Variants in ZNF532 observed in about 807,000 individuals in gnomAD.
ZNF532 encodes zinc finger protein 532.
Under a neutral mutation model 89.3 loss-of-function variants are expected in ZNF532, and 22 were observed. The observed-to-expected ratio is 0.25, with a 90% CI of 0.18 to 0.35. ZNF532 has a LOEUF of 0.35. Ranked by LOEUF, ZNF532 falls within the 10% of genes least tolerant of loss-of-function variation. ZNF532 has a pLI of 1.00. For missense variants in ZNF532, 1,132 were observed against 1,643.4 expected (o/e 0.69, Z 5.38); for synonymous variants, 606 against 649.6 (o/e 0.93, Z 1.02).
intron 5 of ZNF532, among the ~76,000 whole-genome samples, chr18:58,946,570 C>T (rs1051826088): frequency 2.0e-5 from 3 of 152,038 alleles, no homozygotes; most frequent in Non-Finnish European, 4.4e-5. Flanking sequence ...ACCATGCTGG[C>T]CTAGTTTTCT....
chr18:58,964,078 C>G (rs1354500913), intron 7 of ZNF532: 4 of 152,134 alleles, frequency 2.6e-5, no homozygotes, highest in African/African-American at 9.7e-5. Flanking sequence ...CAGATGGTTT[C>G]ATTTTCATTC....
intron 2 of ZNF532, among the ~76,000 whole-genome samples, chr18:58,876,485 G>T (rs1453244251): frequency 6.6e-6 from 1 of 152,170 alleles, no homozygotes; most frequent in African/African-American, 2.4e-5. Flanking sequence ...TGTGATGCTA[G>T]CAGGGAGCAG....
rs1568248058 is a variant in ZNF532, at chr18:58,888,851, ATAATTTATATATATATAATATATATTAT to A, written c.-18+23273_-18+23300del. On this transcript the variant is annotated intron_variant, in intron 2 of 9. Coordinates refer to ENST00000591808, the MANE Select transcript of ZNF532 (RefSeq NM_001375912.1). ...AATTATATATATAATTTATATATAT[ATAATTTATATATATATAATATATATTAT>A]ATATATATATTTTATATATATATAT... 2.5e-4 allele frequency among the ~76,000 whole-genome samples: 12 copies of A among 47,080 alleles called. 1 individual carries two copies. Among genetic ancestry groups the A allele is most frequent in the Admixed American group, 6.8e-4 (2 of 2,920 alleles). The allele number at this position is 47,080 out of a possible 152,430, so 30.9% of individuals were successfully genotyped here.
chr18:58,870,706 C>T (rs1459598604), intron 2 of ZNF532, among the ~76,000 whole-genome samples: 1 of 152,050 alleles, frequency 6.6e-6, no homozygotes, highest in Non-Finnish European at 1.5e-5. Flanking sequence ...GGTCTTTCAT[C>T]CCAGGTGTTG....
intron 7 of ZNF532, among the ~76,000 whole-genome samples, chr18:58,972,053 A>G (rs937929707): frequency 1.3e-5 from 2 of 152,114 alleles, no homozygotes; most frequent in African/African-American, 4.8e-5. Context: ...AAAACACACA[A>G]ATTATCCAGG....
intron 5 of ZNF532, 53 bp from the exon 6 acceptor site, chr18:58,948,014 C>A (rs1036429417): frequency 1.9e-6 from 3 of 1,540,230 alleles, no homozygotes; most frequent in Non-Finnish European, 2.6e-6. Flanking sequence ...GTAGCAGATC[C>A]TTTGACTTAA....
At chr18:58,936,210 A>T (rs141664343) in intron 4 of ZNF532, among the ~76,000 whole-genome samples, 1 of 152,324 alleles carries the variant, frequency 6.6e-6, no homozygotes, top group East Asian at 1.9e-4. Flanking sequence ...CTCCAGCTCC[A>T]CTGGGATGTT....
At chr18:58,888,441 C>T (rs552564090) in intron 2 of ZNF532, among the ~76,000 whole-genome samples, 25 of 151,358 alleles carry the variant, frequency 1.7e-4, no homozygotes, top group Non-Finnish European at 2.9e-4. Flanking sequence ...TTTGGGAGGC[C>T]AAGGTGGGTG....
chr18:58,939,895 ATTTT>A, intron 5 of ZNF532: 1 of 189,696 alleles, frequency 5.3e-6, no homozygotes, highest in Non-Finnish European at 1.1e-5. Context: ...CTTAAGATGA[ATTTT>A]TTTTTTTTTT....
At chr18:58,891,696 T>C (rs954071156) in intron 2 of ZNF532, among the ~76,000 whole-genome samples, 3 of 152,252 alleles carry the variant, frequency 2.0e-5, no homozygotes, top group African/African-American at 7.2e-5. Context: ...AATTTATTTA[T>C]AATGAGTTTG....
At chr18:58,897,419 G>A (rs903668446) in intron 2 of ZNF532, among the ~76,000 whole-genome samples, 2 of 152,248 alleles carry the variant, frequency 1.3e-5, no homozygotes, top group East Asian at 3.9e-4. Flanking sequence ...ACCTGATTTT[G>A]CAATCTAAAA....
At chr18:58,885,029 C>T (rs2058196417) in intron 2 of ZNF532, among the ~76,000 whole-genome samples, 1 of 145,014 alleles carries the variant, frequency 6.9e-6, no homozygotes, top group South Asian at 2.3e-4. Flanking sequence ...ACTCTTGTTA[C>T]CTAGGTTAGA....
In ZNF532 at chr18:58,934,663, C is replaced by A. The variant is rs367613308; in HGVS notation, c.2528+49C>A. 708 of 1,557,792 alleles carry A rather than the reference C, an allele frequency of 4.5e-4. 4 individuals are homozygous for A. Among genetic ancestry groups the A allele is most frequent in the South Asian group, 2.0e-3 (171 of 84,434 alleles). On this transcript the variant is annotated intron_variant, in intron 4 of 9. Coordinates refer to ENST00000591808, the MANE Select transcript of ZNF532 (RefSeq NM_001375912.1). ...GCAAGTAAAACTCGTTCACTTACAA[C>A]CGCACAGCATTTTGAGTGGTTTGCA...
intron 2 of ZNF532, among the ~76,000 whole-genome samples, chr18:58,907,600 C>A (rs1365202129): frequency 6.6e-6 from 1 of 151,840 alleles, no homozygotes. Context: ...AGTGTTGTGT[C>A]TGTGTATATT....
chr18:58,976,677 C>T (rs1056911282), intron 7 of ZNF532, among the ~76,000 whole-genome samples: 2 of 152,086 alleles, frequency 1.3e-5, no homozygotes, highest in Non-Finnish European at 2.9e-5. Context: ...GGATTATAGG[C>T]ACCTGCCATC....
Position 58,983,989 on chromosome 18 carries a change from G to C in ZNF532, c.3429G>C (p.Arg1143=), listed in dbSNP as rs369794876. The C allele has an allele frequency of 1.4e-5, 22 of 1,609,300 alleles. No individual in the cohort carries two copies. The highest frequency in any genetic ancestry group is 1.8e-5 in the Non-Finnish European group (21 of 1,178,276). Residue 1143 remains arginine, a synonymous_variant, in exon 10 of 10, where the codon CGG becomes CGC. Coordinates refer to ENST00000591808, the MANE Select transcript of ZNF532 (RefSeq NM_001375912.1). ...KEDTKVPSPK[R]KLEEPVLEFR... ...CCTGAAAGGTCCCCAGTCCCAAGCG[G>C]AAGTTGGAAGAACCAGTTCTGGAGT...
intron 5 of ZNF532, chr18:58,940,294 T>C (rs536513703): frequency 5.9e-5 from 9 of 152,346 alleles, no homozygotes; most frequent in African/African-American, 2.2e-4. Context: ...ACACTTTTGC[T>C]TAAAAAGTAA....
intron 2 of ZNF532, among the ~76,000 whole-genome samples, chr18:58,879,606 G>A (rs935222172): frequency 2.6e-5 from 4 of 152,070 alleles, no homozygotes; most frequent in African/African-American, 9.7e-5. Flanking sequence ...GGCTGGGCTG[G>A]TCTCGAACTC....
At chr18:58,975,588 T>C (rs1025990652) in intron 7 of ZNF532, among the ~76,000 whole-genome samples, 7 of 152,044 alleles carry the variant, frequency 4.6e-5, no homozygotes, top group Non-Finnish European at 8.8e-5. Context: ...CAGCATGGGG[T>C]AGCGCACGCC....
Sources: gnomAD v4.1 joint callset for allele counts (sites outside exome capture counted in the v4.1 genomes callset) on GRCh38, gnomAD v4.1.1 for gene constraint, MANE v1.5 for transcripts, NCBI Gene and HGNC (gene_info 2026-07-23, HGNC 2026-07-21) for gene names.